Variants in LNX1 observed in about 807,000 individuals in gnomAD.
LNX1 encodes the protein E3 ubiquitin-protein ligase LNX.
In LNX1, 54 loss-of-function variants were observed where a neutral mutation model predicts 68.4. The ratio of observed to expected loss-of-function variants is 0.79; its 90% CI spans 0.63 to 0.99. The LOEUF (loss-of-function observed/expected upper bound fraction) is 0.99. LNX1 is among the 50% of genes least tolerant of loss of function. The pLI is 0.00. For synonymous variants in LNX1, 336 were observed against 350.0 expected (o/e 0.96, Z 0.45); for missense variants, 906 against 926.4 (o/e 0.98, Z 0.29).
chr4:53,562,186 A>C (rs1218510539), intron 2 of LNX1, among the ~76,000 whole-genome samples: 2 of 152,186 alleles, frequency 1.3e-5, no homozygotes, highest in East Asian at 1.9e-4. Context: ...CAAGAAGTAA[A>C]AGCTTGGCTT....
intron 2 of LNX1, among the ~76,000 whole-genome samples, chr4:53,550,263 G>A (rs574809719): frequency 1.3e-5 from 2 of 152,254 alleles, no homozygotes; most frequent in East Asian, 1.9e-4. Flanking sequence ...GAAATGCTTC[G>A]AGAGTCATTG....
intron 6 of LNX1, among the ~76,000 whole-genome samples, chr4:53,483,788 G>C (rs577940696): frequency 1.3e-5 from 2 of 152,328 alleles, no homozygotes; most frequent in African/African-American, 4.8e-5. Context: ...TGGGCTAGGG[G>C]AGAAAGGTCA....
intron 4 of LNX1, among the ~76,000 whole-genome samples, chr4:53,499,752 C>T (rs1485432368): frequency 6.6e-6 from 1 of 152,166 alleles, no homozygotes; most frequent in Non-Finnish European, 1.5e-5. Context: ...GTTCTTTCTA[C>T]CAGACATTGT....
chr4:53,576,032 A>T, intron 1 of LNX1: 2 of 1,569,648 alleles, frequency 1.3e-6, no homozygotes, highest in African/African-American at 2.7e-5. Context: ...CTGAAGCCCA[A>T]CACCTTCAGG....
At chr4:53,469,631 A>G (rs1291893755) in intron 9 of LNX1, among the ~76,000 whole-genome samples, 1 of 152,246 alleles carries the variant, frequency 6.6e-6, no homozygotes, top group Non-Finnish European at 1.5e-5. Flanking sequence ...AGAATCAAAT[A>G]GATGCAATAA....
chr4:53,487,325 A>T (rs774758669), intron 6 of LNX1, among the ~76,000 whole-genome samples: 25 of 152,244 alleles, frequency 1.6e-4, no homozygotes, highest in Non-Finnish European at 2.6e-4. Context: ...CAAAGGCTTC[A>T]CCTGCTCATT....
chr4:53,472,615 C>G (rs1292550497), intron 9 of LNX1, among the ~76,000 whole-genome samples: 1 of 126,800 alleles, frequency 7.9e-6, no homozygotes, highest in Non-Finnish European at 1.6e-5. Flanking sequence ...GAAAAAGGTA[C>G]AAATTTTGAT....
At chr4:53,652,077 G>A (rs1437330446) in intron 1 of LNX1, 7 of 151,408 alleles carry the variant, frequency 4.6e-5, no homozygotes, top group South Asian at 2.1e-4. Context: ...GAAAGAGATA[G>A]GGGTGAGAGC....
At chr4:53,563,615 A>G (rs1311329626) in intron 2 of LNX1, among the ~76,000 whole-genome samples, 1 of 151,224 alleles carries the variant, frequency 6.6e-6, no homozygotes, top group East Asian at 1.9e-4. Flanking sequence ...GCTCACTGCA[A>G]CCTCTGCCTC....
chr4:53,601,347 G>T (rs1733005892), intron 2 of LNX1, among the ~76,000 whole-genome samples: 1 of 152,062 alleles, frequency 6.6e-6, no homozygotes, highest in African/African-American at 2.4e-5. Context: ...AAGTGGCATG[G>T]TCCACCCCTC....
At chr4:53,563,427 T>C (rs1560667985) in intron 2 of LNX1, among the ~76,000 whole-genome samples, 2 of 152,198 alleles carry the variant, frequency 1.3e-5, no homozygotes, top group Non-Finnish European at 2.9e-5. Flanking sequence ...ACTTCTTAAG[T>C]ATTCTTCTTA....
intron 2 of LNX1, among the ~76,000 whole-genome samples, chr4:53,567,876 A>T (rs1730815476): frequency 6.6e-6 from 1 of 152,138 alleles, no homozygotes; most frequent in East Asian, 1.9e-4. Context: ...ACCTCTATGC[A>T]AATAAACTAG....
chr4:53,636,179 C>CTTTTTTTT (rs11440722), intron 1 of LNX1, among the ~76,000 whole-genome samples: 144 of 85,136 alleles, frequency 1.7e-3, no homozygotes, highest in East Asian at 3.6e-3. Flanking sequence ...TCTATTACTC[C>CTTTTTTTT]TTTTTTTTTT....
At chr4:53,622,502 C>G (rs1176167505) in intron 1 of LNX1, among the ~76,000 whole-genome samples, 1 of 152,106 alleles carries the variant, frequency 6.6e-6, no homozygotes, top group Non-Finnish European at 1.5e-5. Context: ...CTCCCTCACT[C>G]TCTCACCCCA....
intron 4 of LNX1, among the ~76,000 whole-genome samples, chr4:53,506,170 T>C (rs76096421): frequency 0.017 from 2,571 of 152,304 alleles, 71 homozygotes; most frequent in African/African-American, 0.059. Context: ...TTTAAAATCT[T>C]GGTTCTGCCA....
chr4:53,520,062 C>G (rs935337523), intron 2 of LNX1, among the ~76,000 whole-genome samples: 18 of 152,174 alleles, frequency 1.2e-4, no homozygotes, highest in African/African-American at 4.3e-4. Flanking sequence ...TCTGTCCCCA[C>G]GTTTAGTAGA....
At chr4:53,490,678 ATTTC>A (rs2109448954) in intron 6 of LNX1, among the ~76,000 whole-genome samples, 1 of 152,338 alleles carries the variant, frequency 6.6e-6, no homozygotes, top group African/African-American at 2.4e-5. Context: ...TTGTCTGGGA[ATTTC>A]TTTGTAAGGC....
chr4:53,474,786 A>G (rs1305807570), intron 9 of LNX1, among the ~76,000 whole-genome samples: 1 of 141,898 alleles, frequency 7.0e-6, no homozygotes, highest in Non-Finnish European at 1.5e-5. Flanking sequence ...TTTTTTTTTG[A>G]GACAGAGTCT....
At chr4:53,537,500 T>C (rs560658650) in intron 2 of LNX1, among the ~76,000 whole-genome samples, 61 of 152,366 alleles carry the variant, frequency 4.0e-4, no homozygotes, top group African/African-American at 6.3e-4. Flanking sequence ...ATTCCTTTTA[T>C]AGCAATACAC....
Sources: allele counts gnomAD v4.1 joint callset (sites outside exome capture counted in the v4.1 genomes callset), GRCh38; gene constraint gnomAD v4.1.1; transcripts MANE v1.5; gene names NCBI Gene and HGNC (gene_info 2026-07-23, HGNC 2026-07-21).